The following SLC37A1 variants were observed in gnomAD, a reference collection of about 807,000 sequenced individuals.
SLC37A1 encodes the protein glucose-6-phosphate exchanger SLC37A1.
SLC37A1 carries 49 observed loss-of-function variants against 75.3 expected under a neutral mutation model. That is an observed-to-expected ratio of 0.65 (90% CI 0.52 to 0.83). SLC37A1 has a LOEUF of 0.83. Ranked by LOEUF, SLC37A1 falls within the 40% of genes least tolerant of loss-of-function variation. The pLI is 0.00. For synonymous variants in SLC37A1, 268 were observed against 292.1 expected, an observed-to-expected ratio of 0.92 and a Z score of 0.84; for missense variants, 566 against 695.0, an observed-to-expected ratio of 0.81 and a Z score of 2.09.
At chr21:42,578,984 C>T (rs1012864315) in intron 18 of SLC37A1, among the ~76,000 whole-genome samples, 1 of 152,248 alleles carries the variant, frequency 6.6e-6, no homozygotes, top group African/African-American at 2.4e-5. Flanking sequence ...CGAGGGGCCA[C>T]GTCCAGGGAG....
Position 42,534,736 on chromosome 21 carries a change from T to A in SLC37A1, c.177T>A (p.Ala59=), listed in dbSNP as rs1450012200. Residue 59 remains alanine, a synonymous_variant, in exon 4 of 20, where the codon GCT becomes GCA. Coordinates refer to ENST00000352133, the MANE Select transcript of SLC37A1 (RefSeq NM_001320537.2). ...AGTACTGCACTGCTTGGGATGAAGC[T>A]GACGTCAGGTTCAGCAGCCAGAACA... is the stretch of plus-strand genomic sequence containing the variant. The part of the protein sequence containing the change: ...LHKYCTAWDE[A]DVRFSSQNRK... The A allele has an allele frequency of 6.2e-7, 1 of 1,613,992 alleles. No individual in the cohort carries two copies. Among genetic ancestry groups the A allele is most frequent in the African/African-American group, 1.3e-5 (1 of 75,024 alleles).
chr21:42,502,509 G>A lies in SLC37A1; in HGVS notation c.-179+92G>A, dbSNP rs1437664653. On this transcript the variant is annotated intron_variant, in intron 2 of 20. Coordinates refer to the SLC37A1 transcript ENST00000398341. ...TATTCATATTTTCTCGATTATTTGAGAAGATAAGCATTTTTCCCCAAATGT... is the reference window on the plus strand; with the variant it reads ...TATTCATATTTTCTCGATTATTTGAAAAGATAAGCATTTTTCCCCAAATGT... 4 of 152,202 alleles carry A rather than the reference G, an allele frequency of 2.6e-5. No individual in the cohort carries two copies. In the South Asian group the frequency reaches 6.2e-4, roughly 24 times the overall value. The allele number at this position is 152,202 out of a possible 1,614,324, so 9.4% of individuals were successfully genotyped here.
chr21:42,554,176 T>C, intron 10 of SLC37A1, 34 bp downstream of exon 10: 2 of 1,599,404 alleles, frequency 1.3e-6, no homozygotes, highest in Non-Finnish European at 1.7e-6. Context: ...TCCTAGAATG[T>C]CGGAGCTGCA....
intron 3 of SLC37A1, among the ~76,000 whole-genome samples, chr21:42,531,411 A>G (rs1481114979): frequency 6.6e-6 from 1 of 151,420 alleles, no homozygotes; most frequent in Non-Finnish European, 1.5e-5. Context: ...GGGCCCACTC[A>G]GCCTCCCGCC....
intron 19 of SLC37A1, among the ~76,000 whole-genome samples, chr21:42,580,013 G>A (rs1156632500): frequency 6.6e-6 from 1 of 152,192 alleles, no homozygotes; most frequent in African/African-American, 2.4e-5. Flanking sequence ...AGTGGAAAAT[G>A]TGAGGGAATT....
chr21:42,562,229 C>T (rs1480757123), intron 12 of SLC37A1, 61 bp downstream of exon 12: 3 of 1,447,072 alleles, frequency 2.1e-6, no homozygotes, highest in African/African-American at 2.8e-5. Context: ...GAAGTCTCTT[C>T]TGTCTGCTGG....
intron 12 of SLC37A1, among the ~76,000 whole-genome samples, 172 bp downstream of exon 12, chr21:42,562,340 T>C (rs372072073): frequency 6.6e-6 from 1 of 152,348 alleles, no homozygotes; most frequent in Non-Finnish European, 1.5e-5. Flanking sequence ...AATTCAGATA[T>C]GCACATTGTA....
Position 42,552,852 on chromosome 21 carries a change from C to T in SLC37A1, c.769-1210C>T, listed in dbSNP as rs2055591209. On this transcript the variant is annotated intron_variant, in intron 9 of 19. Coordinates refer to ENST00000352133, the MANE Select transcript of SLC37A1 (RefSeq NM_001320537.2). The surrounding 1 kb of genome is among the most constrained non-coding windows in gnomAD (Gnocchi z 4.2). The stretch of plus-strand genomic sequence containing the variant: ...CTGCTCACTGCGGGGGACGGGGGGC[C>T]GAGTGCTGGGGAGCAGGAACCCATC... Among the ~76,000 whole-genome samples, 1 of 152,102 alleles carries T rather than the reference C, an allele frequency of 6.6e-6. No homozygotes were observed. Among genetic ancestry groups the T allele is most frequent in the African/African-American group, 2.4e-5 (1 of 41,402 alleles).
chr21:42,513,073 C>T (rs966414018), upstream of SLC37A1, among the ~76,000 whole-genome samples: 4 of 152,244 alleles, frequency 2.6e-5, no homozygotes, highest in African/African-American at 9.6e-5. Context: ...CTCTGCCTCA[C>T]TTTGCTCTTC....
intron 17 of SLC37A1, among the ~76,000 whole-genome samples, chr21:42,572,406 T>C (rs915686566): frequency 6.6e-6 from 1 of 152,164 alleles, no homozygotes; most frequent in Non-Finnish European, 1.5e-5. Context: ...TTTTTCTTTC[T>C]GGAAAATGTA....
At chr21:42,568,865 T>A (rs1173439909) in intron 17 of SLC37A1, among the ~76,000 whole-genome samples, 1 of 152,226 alleles carries the variant, frequency 6.6e-6, no homozygotes, top group East Asian at 1.9e-4. Context: ...TTCTGGAATT[T>A]AAAAAGGTGG....
At chr21:42,518,738 G>A (rs746642580) in intron 2 of SLC37A1, among the ~76,000 whole-genome samples, 3 of 152,154 alleles carry the variant, frequency 2.0e-5, no homozygotes, top group Admixed American at 6.5e-5. Context: ...TTGGGCTCCC[G>A]CGTGGTCTCC....
chr21:42,575,466 T>C, intron 18 of SLC37A1: 1 of 985,476 alleles, frequency 1.0e-6, no homozygotes, highest in Non-Finnish European at 1.2e-6. Context: ...AGTCGCCTTC[T>C]GGCTTCTGCC....
chr21:42,539,388 A>C, intron 5 of SLC37A1, 124 bp from the exon 6 acceptor site: 1 of 1,158,666 alleles, frequency 8.6e-7, no homozygotes, highest in East Asian at 2.6e-5. Flanking sequence ...TGGAAATTGT[A>C]AGGCTTGAGA....
chr21:42,580,169 C>T (rs528817282), intron 19 of SLC37A1, among the ~76,000 whole-genome samples, 176 bp from the exon 20 acceptor site: 59 of 152,056 alleles, frequency 3.9e-4, no homozygotes, highest in Non-Finnish European at 6.2e-4. Context: ...CAGAAGGCTG[C>T]GGGAAAGGTG....
intron 3 of SLC37A1, among the ~76,000 whole-genome samples, chr21:42,532,732 G>A (rs1456431498): frequency 1.3e-5 from 2 of 152,110 alleles, no homozygotes; most frequent in Admixed American, 1.3e-4. Flanking sequence ...ACAAGCAGGA[G>A]CAGCCAGGGG....
chr21:42,580,079 G>C (rs2056394710), intron 19 of SLC37A1, among the ~76,000 whole-genome samples: 1 of 151,524 alleles, frequency 6.6e-6, no homozygotes, highest in Non-Finnish European at 1.5e-5. Context: ...TTGCCTTCCT[G>C]CTCGCCCCCT....
chr21:42,520,194 C>A (rs1438494714), intron 2 of SLC37A1, among the ~76,000 whole-genome samples: 2 of 152,166 alleles, frequency 1.3e-5, no homozygotes, highest in African/African-American at 4.8e-5. Context: ...ATGTTAAAAA[C>A]AATATCAAAT....
intron 15 of SLC37A1, 49 bp downstream of exon 15, chr21:42,565,924 T>C (rs1368426223): frequency 6.4e-7 from 1 of 1,567,530 alleles, no homozygotes; most frequent in Non-Finnish European, 8.8e-7. Context: ...TTTTTAAAGT[T>C]CACACAGCTG....
Sources: allele counts gnomAD v4.1 joint callset (sites outside exome capture counted in the v4.1 genomes callset), GRCh38; gene constraint gnomAD v4.1.1; non-coding constraint Gnocchi (gnomAD v3.1); transcripts MANE v1.5; gene names NCBI Gene and HGNC (gene_info 2026-07-23, HGNC 2026-07-21).